The following GRIN2B variants were observed in gnomAD, a reference collection of about 807,000 sequenced individuals.
GRIN2B encodes the protein glutamate receptor ionotropic, NMDA 2B.
A neutral mutation model predicts 114.5 loss-of-function variants in GRIN2B; 5 were observed. That is an observed-to-expected ratio of 0.04 (90% CI 0.02 to 0.09). The LOEUF (loss-of-function observed/expected upper bound fraction) is 0.09, where lower values mean the gene tolerates loss of function less well. Among genes scored for constraint, GRIN2B ranks in the 10% least tolerant of loss-of-function variants. The pLI, the probability that GRIN2B is intolerant of heterozygous loss-of-function variation, is 1.00. For missense variants in GRIN2B, 1,108 were observed against 1,943.5 expected, an observed-to-expected ratio of 0.57 and a Z score of 8.08; for synonymous variants, 787 against 745.1, an observed-to-expected ratio of 1.06 and a Z score of -0.92.
intron 5 of GRIN2B, among the ~76,000 whole-genome samples, 167 bp downstream of exon 5, chr12:13,675,578 A>G (rs1010110559): frequency 2.0e-5 from 3 of 152,210 alleles, no homozygotes; most frequent in African/African-American, 2.4e-5. Context: ...AATAGCAAGT[A>G]AATGAACATG....
intron 5 of GRIN2B, among the ~76,000 whole-genome samples, chr12:13,635,716 T>C (rs1565484330): frequency 6.6e-6 from 1 of 152,210 alleles, no homozygotes; most frequent in Admixed American, 6.5e-5. Flanking sequence ...ATTTAGGCAG[T>C]TAGTGGCAGT....
chr12:13,846,613 T>C (rs1023784122), intron 3 of GRIN2B, among the ~76,000 whole-genome samples: 1 of 152,202 alleles, frequency 6.6e-6, no homozygotes, highest in Non-Finnish European at 1.5e-5. Flanking sequence ...AAAAAGCAAT[T>C]AAATCATTTC....
chr12:13,600,327 C>A (rs971698697), intron 10 of GRIN2B, among the ~76,000 whole-genome samples: 3 of 152,164 alleles, frequency 2.0e-5, no homozygotes, highest in Non-Finnish European at 4.4e-5. Flanking sequence ...TGAGACAAAG[C>A]CAAATTCTTT....
chr12:13,713,601 A>G (rs944362310), intron 4 of GRIN2B, among the ~76,000 whole-genome samples: 9 of 151,980 alleles, frequency 5.9e-5, no homozygotes, highest in Non-Finnish European at 1.3e-4. Context: ...AAGAAGTCAC[A>G]TGAACCAATA....
At chr12:13,818,246 AG>A (rs1864866886) in intron 3 of GRIN2B, among the ~76,000 whole-genome samples, 2 of 152,232 alleles carry the variant, frequency 1.3e-5, no homozygotes, top group African/African-American at 4.8e-5. Flanking sequence ...TTTTAACCAA[AG>A]GGCAGGAAGG....
rs1312984684 is a variant in GRIN2B, at chr12:13,553,321, G to T, written c.*9462C>A. On this transcript the variant is annotated 3_prime_UTR_variant, in exon 14 of 14. Transcript: ENST00000609686. Reference sequence around the variant, plus strand: ...AATCCCTTTATATTTACAGAGAAAGGAGTAGTTTAGAGACTAGCATTCTCT... The same window carrying T: ...AATCCCTTTATATTTACAGAGAAAGTAGTAGTTTAGAGACTAGCATTCTCT... The T allele has an allele frequency of 6.6e-6, 1 of 152,188 alleles. No individual in the cohort carries two copies. Among genetic ancestry groups the T allele is most frequent in the Non-Finnish European group, 1.5e-5 (1 of 68,030 alleles). The allele number at this position is 152,188 out of a possible 1,614,324, so 9.4% of individuals were successfully genotyped here. A position where few individuals can be genotyped will look rare whatever the true frequency, so the allele number is the denominator to read the frequency against.
In GRIN2B at chr12:13,564,769, T is replaced by TATATTAG; in HGVS notation, c.2599-131_2599-130insCTAATAT. ...AAAGCATGAAGCGAATAGTCTAATA[T>TATATTAG]ACTATTAGATGTGGCTAGAAGTTTG... On this transcript the variant is annotated intron_variant, in intron 13 of 13. Transcript: ENST00000609686. The surrounding 1 kb of genome is among the most constrained non-coding windows in gnomAD (Gnocchi z 4.8). The TATATTAG allele has an allele frequency of 1.2e-6, 1 of 861,118 alleles. No individual in the cohort carries two copies. Among genetic ancestry groups the TATATTAG allele is most frequent in the Non-Finnish European group, 1.9e-6 (1 of 515,424 alleles). The allele number at this position is 861,118 out of a possible 1,614,324, so 53.3% of individuals were successfully genotyped here. A position where few individuals can be genotyped will look rare whatever the true frequency, so the allele number is the denominator to read the frequency against.
At position 13,866,236 on chromosome 12, in the gene GRIN2B, C is replaced by G. The variant is rs146841522; in HGVS notation, c.-18-10G>C. On this transcript the variant is annotated splice_polypyrimidine_tract_variant and intron_variant, in intron 2 of 13. Transcript: ENST00000609686. The stretch of plus-strand genomic sequence containing the variant: ...TCAACTCGTCGACTCCCTGCAAACA[C>G]AAAGAAAGAGCATGTTAAAATAGGA... The G allele has an allele frequency of 4.7e-4, 750 of 1,600,480 alleles. 2 individuals carry two copies. The African/African-American group carries it at 7.0e-3, about 15-fold the overall frequency.
intron 12 of GRIN2B, among the ~76,000 whole-genome samples, chr12:13,567,934 A>G (rs551167194): frequency 5.1e-4 from 77 of 152,190 alleles, no homozygotes; most frequent in Admixed American, 2.0e-3. Flanking sequence ...CAAACGAGTG[A>G]TTCAGAAAAT....
intron 2 of GRIN2B, among the ~76,000 whole-genome samples, chr12:13,941,067 T>TCACA (rs57165618): frequency 8.6e-5 from 13 of 150,748 alleles, no homozygotes; most frequent in South Asian, 2.1e-4. Flanking sequence ...ACACATATGT[T>TCACA]CACACACACA....
intron 2 of GRIN2B, among the ~76,000 whole-genome samples, chr12:13,947,849 C>A (rs777888987): frequency 6.6e-6 from 1 of 152,182 alleles, no homozygotes; most frequent in Admixed American, 6.5e-5. Context: ...CTCCAACTCA[C>A]TTCCATAACG....
chr12:13,957,287 G>A (rs914141849), intron 2 of GRIN2B, among the ~76,000 whole-genome samples: 6 of 152,130 alleles, frequency 3.9e-5, no homozygotes, highest in African/African-American at 1.2e-4. Context: ...TGTAATGCAG[G>A]ATATGGGAAG....
At position 13,544,687 on chromosome 12, in the gene GRIN2B, TTTTC is replaced by T. The variant is rs1469103539; in HGVS notation, c.*18092_*18095del. On this transcript the variant is annotated 3_prime_UTR_variant, in exon 14 of 14. Coordinates refer to ENST00000609686, the MANE Select transcript of GRIN2B (RefSeq NM_000834.5). Reference sequence around the variant, plus strand: ...AACATTCTAAGGTTATTCTTAAGATTTTTCTTTCTCTTATTCAATGTCTAATTCA... The same window carrying T: ...AACATTCTAAGGTTATTCTTAAGATTTTTCTCTTATTCAATGTCTAATTCA... 12 of 152,182 alleles carry T rather than the reference TTTTC, an allele frequency of 7.9e-5. No homozygotes were observed. The highest frequency in any genetic ancestry group is 2.9e-4 in the African/African-American group (12 of 41,434). 9.4% of individuals were successfully genotyped at this position (152,182 alleles called of 1,614,324 possible). A position where few individuals can be genotyped will look rare whatever the true frequency, so the allele number is the denominator to read the frequency against.
At chr12:13,763,646 C>A (rs1447941431) in intron 3 of GRIN2B, among the ~76,000 whole-genome samples, 1 of 152,110 alleles carries the variant, frequency 6.6e-6, no homozygotes, top group African/African-American at 2.4e-5. Flanking sequence ...CAAACTCCTG[C>A]ACACCCACAC....
intron 2 of GRIN2B, among the ~76,000 whole-genome samples, chr12:13,920,801 C>T (rs1866810118): frequency 6.6e-6 from 1 of 152,166 alleles, no homozygotes; most frequent in Non-Finnish European, 1.5e-5. Context: ...CCAAATGAAG[C>T]TTTCCTGTTC....
At chr12:13,591,109 C>T (rs919116518) in intron 10 of GRIN2B, among the ~76,000 whole-genome samples, 6 of 152,264 alleles carry the variant, frequency 3.9e-5, no homozygotes, top group South Asian at 2.1e-4. Flanking sequence ...CACTGCAACT[C>T]GCCTGCTGCC....
At chr12:13,592,749 C>T (rs1480882999) in intron 10 of GRIN2B, among the ~76,000 whole-genome samples, 1 of 152,132 alleles carries the variant, frequency 6.6e-6, no homozygotes, top group African/African-American at 2.4e-5. Flanking sequence ...AGCCTGACAC[C>T]CCCTATTTTC....
At position 13,727,136 on chromosome 12, in the gene GRIN2B, T is replaced by C. The variant is rs1216133803; in HGVS notation, c.1010+26181A>G. Among the ~76,000 whole-genome samples the C allele has an allele frequency of 2.0e-5, 3 of 152,158 alleles. No individual in the cohort carries two copies. In the East Asian group the frequency reaches 5.8e-4, roughly 29 times the overall value. ...AATATAGGTAAGAGGCTCCAAATTC[T>C]TCACTCTTAACCCTAGGGATTGTCT... On this transcript the variant is annotated intron_variant, in intron 4 of 13. Coordinates refer to ENST00000609686, the MANE Select transcript of GRIN2B (RefSeq NM_000834.5).
At chr12:13,842,840 T>G (rs546144971) in intron 3 of GRIN2B, among the ~76,000 whole-genome samples, 49 of 151,450 alleles carry the variant, frequency 3.2e-4, no homozygotes, top group Non-Finnish European at 5.4e-4. Flanking sequence ...TAGCAAGGGC[T>G]CCATACATAA....
Sources: gnomAD v4.1 joint callset for allele counts (sites outside exome capture counted in the v4.1 genomes callset) on GRCh38, gnomAD v4.1.1 for gene constraint, Gnocchi (gnomAD v3.1) non-coding constraint, MANE v1.5 for transcripts, NCBI Gene and HGNC (gene_info 2026-07-23, HGNC 2026-07-21) for gene names.